Variants in RUBCNL observed in about 807,000 individuals in gnomAD.
RUBCNL encodes rubicon like autophagy enhancer, also known as protein associated with UVRAG as autophagy enhancer.
Under a neutral mutation model 69.5 loss-of-function variants are expected in RUBCNL, and 62 were observed. That is an observed-to-expected ratio of 0.89 (90% confidence interval 0.73 to 1.10). RUBCNL has a LOEUF of 1.10. Among genes scored for constraint, RUBCNL ranks in the 50% least tolerant of loss-of-function variants. RUBCNL has a pLI of 0.00. For missense variants in RUBCNL, 768 were observed against 798.1 expected, an observed-to-expected ratio of 0.96 and a Z score of 0.45; for synonymous variants, 291 against 303.6, an observed-to-expected ratio of 0.96 and a Z score of 0.43.
chr13:46,350,047 T>C, intron 11 of RUBCNL, 66 bp downstream of exon 11: 2 of 1,208,666 alleles, frequency 1.7e-6, no homozygotes, highest in Non-Finnish European at 2.4e-6. Context: ...CCCAAGCTAG[T>C]GTGATGTGCA....
rs764458781 is a variant in RUBCNL at position 46,335,260 on chromosome 13, G to GTTTTTTTTTTTT, written c.*8113_*8124dup. Among the ~76,000 whole-genome samples the GTTTTTTTTTTTT allele has an allele frequency of 9.8e-6, 1 of 101,882 alleles. No individual in the cohort carries two copies. Among genetic ancestry groups the GTTTTTTTTTTTT allele is most frequent in the Non-Finnish European group, 1.9e-5 (1 of 53,464 alleles). The allele number at this position is 101,882 out of a possible 152,430, so 66.8% of individuals were successfully genotyped here. ...GTGTCTTTTTGTTGTTGTTGTTGTT[G>GTTTTTTTTTTTT]TTTTTTTTTTTTTTTTTTTTTTTTT... On this transcript the variant is annotated 3_prime_UTR_variant, in exon 15 of 15. Transcript: ENST00000429979.
chr13:46,383,233 G>A (rs2049159752), intron 1 of RUBCNL, among the ~76,000 whole-genome samples: 2 of 152,150 alleles, frequency 1.3e-5, no homozygotes, highest in Non-Finnish European at 2.9e-5. Context: ...GGAGTCCCTA[G>A]GTTGCCTATC....
intron 10 of RUBCNL, 103 bp from the exon 11 acceptor site, chr13:46,350,454 C>T (rs1292151805): frequency 3.7e-6 from 3 of 818,116 alleles, no homozygotes; most frequent in Non-Finnish European, 5.7e-6. Flanking sequence ...ACTCTGATGA[C>T]TTGTTTCATG....
At chr13:46,360,364 A>C (rs922094437) in intron 8 of RUBCNL, among the ~76,000 whole-genome samples, 16 of 152,234 alleles carry the variant, frequency 1.1e-4, no homozygotes, top group East Asian at 1.9e-4. Context: ...AAAATAAAAT[A>C]AAATCCAAAC....
At position 46,340,994 on chromosome 13, in the gene RUBCNL, C is replaced by T. The variant is rs1461979765; in HGVS notation, c.*2391G>A. Reference sequence around the variant, plus strand: ...GTCACCATGGGTAGGTAGAAAGTGGCATATTTGGGATCTAATCTGAAGTTG... The same window carrying T: ...GTCACCATGGGTAGGTAGAAAGTGGTATATTTGGGATCTAATCTGAAGTTG... On this transcript the variant is annotated 3_prime_UTR_variant, in exon 15 of 15. Transcript: ENST00000429979. 6.6e-6 allele frequency among the ~76,000 whole-genome samples: 1 copy of T among 152,180 alleles called. No individual in the cohort carries two copies. Among genetic ancestry groups the T allele is most frequent in the Non-Finnish European group, 1.5e-5 (1 of 68,032 alleles).
At chr13:46,375,921 C>T (rs1170896236) in intron 2 of RUBCNL, among the ~76,000 whole-genome samples, 2 of 152,214 alleles carry the variant, frequency 1.3e-5, no homozygotes, top group Non-Finnish European at 2.9e-5. Context: ...AGACTAACGC[C>T]TCTTTTTCCT....
At chr13:46,387,282 C>T (rs951255350), upstream of RUBCNL, 2 of 985,458 alleles carry the variant, frequency 2.0e-6, no homozygotes, top group East Asian at 1.1e-4. Context: ...GAGGGGACAG[C>T]GACGCCCCGA....
chr13:46,382,253 G>A (rs2049133872), intron 1 of RUBCNL, among the ~76,000 whole-genome samples: 1 of 152,068 alleles, frequency 6.6e-6, no homozygotes, highest in Admixed American at 6.6e-5. Flanking sequence ...GGGCTACAGG[G>A]ATCAAAAGAG....
In RUBCNL at chr13:46,342,248, C is replaced by G. The variant is rs544063191; in HGVS notation, c.*1137G>C. ...TGGCTGGATGGGGTTAGGGGACAAT[C>G]TGTGACGCTTTATTGCCTGCCTGTG... is the stretch of plus-strand genomic sequence containing the variant. On this transcript the variant is annotated 3_prime_UTR_variant, in exon 15 of 15. Coordinates refer to ENST00000429979, the MANE Select transcript of RUBCNL (RefSeq NM_025113.5). 2 of 152,292 alleles carry G rather than the reference C, an allele frequency of 1.3e-5. No individual in the cohort carries two copies. Among genetic ancestry groups the G allele is most frequent in the South Asian group, 4.2e-4 (2 of 4,818 alleles). The allele number at this position is 152,292 out of a possible 1,614,324, so 9.4% of individuals were successfully genotyped here.
At chr13:46,346,186 G>A (rs1200366840) in intron 12 of RUBCNL, among the ~76,000 whole-genome samples, 3 of 152,114 alleles carry the variant, frequency 2.0e-5, no homozygotes, top group Non-Finnish European at 4.4e-5. Context: ...TTCTCTCAAT[G>A]GCTAGTAGAA....
rs2048168620 is a variant in RUBCNL at position 46,343,076 on chromosome 13, A to G, written c.*309T>C. 4.9e-6 allele frequency: 2 copies of G among 410,928 alleles called. No homozygotes were observed. The highest frequency in any genetic ancestry group is 8.3e-5 in the South Asian group (2 of 24,024). The allele number at this position is 410,928 out of a possible 1,614,324, so 25.5% of individuals were successfully genotyped here. On this transcript the variant is annotated 3_prime_UTR_variant, in exon 15 of 15. Transcript: ENST00000429979. ...TCAGTTACAGTTCACATATATGCAC[A>G]CACATACAAACTGGCTCAGCATCAG...
In RUBCNL at chr13:46,347,859, T is replaced by G. The variant is rs916243331; in HGVS notation, c.1631+1427A>C. On this transcript the variant is annotated intron_variant, in intron 12 of 14. Coordinates refer to ENST00000429979, the MANE Select transcript of RUBCNL (RefSeq NM_025113.5). ...ACACAAAAAATTAGCCGGATGTGGTTGCGGGCGCCTGTAGTCCCAGCTACT... is the reference window on the plus strand; with the variant it reads ...ACACAAAAAATTAGCCGGATGTGGTGGCGGGCGCCTGTAGTCCCAGCTACT... 8.6e-5 allele frequency among the ~76,000 whole-genome samples: 13 copies of G among 151,984 alleles called. No individual in the cohort carries two copies. The East Asian group carries it at 2.1e-3, about 25-fold the overall frequency.
intron 9 of RUBCNL, among the ~76,000 whole-genome samples, chr13:46,356,847 A>G (rs895637706): frequency 1.3e-5 from 2 of 149,992 alleles, no homozygotes; most frequent in African/African-American, 4.9e-5. Flanking sequence ...CTAGGACTAC[A>G]TGTACACGCC....
At chr13:46,374,142 C>T (rs866515431) in intron 2 of RUBCNL, among the ~76,000 whole-genome samples, 1 of 152,226 alleles carries the variant, frequency 6.6e-6, no homozygotes, top group Non-Finnish European at 1.5e-5. Flanking sequence ...TGCAGTGGCA[C>T]AATCTCGGCT....
intron 5 of RUBCNL, among the ~76,000 whole-genome samples, chr13:46,366,677 G>A (rs973267275): frequency 1.3e-5 from 2 of 152,252 alleles, no homozygotes; most frequent in South Asian, 2.1e-4. Flanking sequence ...CCTGATTAAC[G>A]TGTAGTAAAG....
intron 11 of RUBCNL, 118 bp from the exon 12 acceptor site, chr13:46,349,465 C>T: frequency 2.1e-6 from 2 of 973,128 alleles, no homozygotes. Context: ...ATAAAACAAA[C>T]CTTGAAAGCA....
rs1247894731 is a variant in RUBCNL, at chr13:46,378,005, T to C, written c.-238A>G. ...GTCAATATCCCCATTTTTTATTTTA[T>C]CTGTAAGGCAAAAAACAATTTGCCA... On this transcript the variant is annotated splice_region_variant and 5_prime_UTR_variant, in exon 2 of 15. Transcript: ENST00000429979. The C allele has an allele frequency of 1.0e-5, 16 of 1,525,322 alleles. No homozygotes were observed. The highest frequency in any genetic ancestry group is 1.2e-5 in the Non-Finnish European group (14 of 1,133,440). The allele number at this position is 1,525,322 out of a possible 1,614,324, so 94.5% of individuals were successfully genotyped here. A position where few individuals can be genotyped will look rare whatever the true frequency, so the allele number is the denominator to read the frequency against.
chr13:46,386,802 T>G (rs370395765), intron 1 of RUBCNL, among the ~76,000 whole-genome samples: 25 of 152,134 alleles, frequency 1.6e-4, no homozygotes, highest in Non-Finnish European at 3.2e-4. Flanking sequence ...GCGCAGGCTT[T>G]GTAGTCTCTG....
chr13:46,384,984 T>A (rs1462278674), intron 1 of RUBCNL, among the ~76,000 whole-genome samples: 2 of 152,158 alleles, frequency 1.3e-5, no homozygotes, highest in Admixed American at 1.3e-4. Context: ...GTGTGTGGGA[T>A]AAAAGACAAT....
Sources: allele counts gnomAD v4.1 joint callset (sites outside exome capture counted in the v4.1 genomes callset), GRCh38; gene constraint gnomAD v4.1.1; transcripts MANE v1.5; gene names NCBI Gene and HGNC (gene_info 2026-07-23, HGNC 2026-07-21).